The following PCDHA3 variants were observed in gnomAD, a reference collection of about 807,000 sequenced individuals.
PCDHA3 encodes the protein protocadherin alpha-3.
A neutral mutation model predicts 62.2 loss-of-function variants in PCDHA3; 41 were observed. The ratio of observed to expected loss-of-function variants is 0.66; its 90% CI spans 0.51 to 0.86. The LOEUF is 0.86. Among genes scored for constraint, PCDHA3 ranks in the 40% least tolerant of loss-of-function variants. The pLI is 0.00. For missense variants in PCDHA3, 1,304 were observed against 1,241.2 expected (o/e 1.05, Z -0.76); for synonymous variants, 640 against 555.4 (o/e 1.15, Z -2.14).
At position 140,851,080 on chromosome 5, in the gene PCDHA3, T is replaced by C. The variant is rs1329158388; in HGVS notation, c.2394+47489T>C. On this transcript the variant is annotated intron_variant, in intron 1 of 3. Coordinates refer to ENST00000522353, the MANE Select transcript of PCDHA3 (RefSeq NM_018906.3). ...GACTTCTAGTGAGAATTATAAACTGTATATTAAATAGATATTTTTTGGGTG... is the reference window on the plus strand; with the variant it reads ...GACTTCTAGTGAGAATTATAAACTGCATATTAAATAGATATTTTTTGGGTG... 5 of 1,302,950 alleles carry C rather than the reference T, an allele frequency of 3.8e-6. No individual in the cohort carries two copies. In the African/African-American group the frequency reaches 6.1e-5, roughly 16 times the overall value. The allele number at this position is 1,302,950 out of a possible 1,614,324, so 80.7% of individuals were successfully genotyped here.
chr5:140,886,558 T>G (rs535461538), intron 1 of PCDHA3, among the ~76,000 whole-genome samples: 1 of 152,202 alleles, frequency 6.6e-6, no homozygotes, highest in South Asian at 2.1e-4. Flanking sequence ...CTGGGCACGG[T>G]GGCTCACGCC....
At chr5:140,892,702 A>G (rs1391662001) in intron 1 of PCDHA3, among the ~76,000 whole-genome samples, 1 of 152,240 alleles carries the variant, frequency 6.6e-6, no homozygotes, top group Admixed American at 6.5e-5. Flanking sequence ...AAATCAGGGT[A>G]ATTAGCATAT....
intron 1 of PCDHA3, chr5:140,847,744 C>T (rs1554141887): frequency 6.7e-6 from 1 of 149,678 alleles, no homozygotes; most frequent in Non-Finnish European, 1.5e-5. Flanking sequence ...ATTTTCTCCC[C>T]ACGCAACACA....
Position 140,851,473 on chromosome 5 carries a change from G to T in PCDHA3, c.2394+47882G>T. The stretch of plus-strand genomic sequence containing the variant: ...TAGGAATCAAATTATGTCAATAAAT[G>T]TTATAAACACAGCCTTCATTTCAAC... On this transcript the variant is annotated intron_variant, in intron 1 of 3. Coordinates refer to ENST00000522353, the MANE Select transcript of PCDHA3 (RefSeq NM_018906.3). 6.7e-6 allele frequency: 6 copies of T among 889,518 alleles called. 1 individual carries two copies. The highest frequency in any genetic ancestry group is 8.2e-6 in the Non-Finnish European group (6 of 729,154). 55.1% of individuals were successfully genotyped at this position (889,518 alleles called of 1,614,324 possible).
chr5:140,830,597 T>A (rs1331497388), intron 1 of PCDHA3: 2 of 693,358 alleles, frequency 2.9e-6, no homozygotes, highest in Non-Finnish European at 4.3e-6. Flanking sequence ...TTTACAAAAT[T>A]ACATATTTTC....
intron 1 of PCDHA3, chr5:140,869,717 C>A: frequency 6.2e-7 from 1 of 1,613,364 alleles, no homozygotes. Context: ...AGAGAGAAAA[C>A]TCCGGAACTT....
chr5:140,875,248 G>A, intron 1 of PCDHA3: 5 of 999,174 alleles, frequency 5.0e-6, no homozygotes, highest in Non-Finnish European at 6.9e-6. Flanking sequence ...TACATAATCA[G>A]TCACATGATG....
chr5:140,953,045 C>A (rs1414124229), intron 1 of PCDHA3, among the ~76,000 whole-genome samples: 2 of 152,288 alleles, frequency 1.3e-5, no homozygotes, highest in Admixed American at 6.5e-5. Flanking sequence ...CCCCATGATC[C>A]AATCACCTCT....
intron 1 of PCDHA3, among the ~76,000 whole-genome samples, chr5:140,831,489 T>G (rs201504089): frequency 3.9e-4 from 58 of 148,714 alleles, no homozygotes; most frequent in African/African-American, 1.2e-3. Context: ...CCTCTGGAGT[T>G]ACTACACACG....
At chr5:140,968,062 G>A in intron 1 of PCDHA3, 2 of 1,614,120 alleles carry the variant, frequency 1.2e-6, no homozygotes, top group Non-Finnish European at 1.7e-6. Flanking sequence ...GAGAGCGGGT[G>A]GCTGTCTACA....
At chr5:140,837,816 A>G (rs1775270589) in intron 1 of PCDHA3, among the ~76,000 whole-genome samples, 1 of 151,680 alleles carries the variant, frequency 6.6e-6, no homozygotes, top group Non-Finnish European at 1.5e-5. Flanking sequence ...AGCTGGGAAT[A>G]CAGTTTGCAT....
intron 1 of PCDHA3, chr5:140,843,383 G>C: frequency 6.3e-7 from 1 of 1,596,120 alleles, no homozygotes; most frequent in African/African-American, 1.3e-5. Context: ...TGGCGTTTTG[G>C]GTCCGGAAGC....
chr5:140,828,966 A>G (rs1770053880), intron 1 of PCDHA3: 5 of 1,614,098 alleles, frequency 3.1e-6, no homozygotes, highest in African/African-American at 1.3e-5. Context: ...GTTATTGACC[A>G]CTTTAGCATA....
At chr5:140,812,522 T>G (rs2126639627) in intron 1 of PCDHA3, 1 of 152,318 alleles carries the variant, frequency 6.6e-6, no homozygotes, top group South Asian at 2.1e-4. Flanking sequence ...TTGGGCTTCC[T>G]CATTTGTCCT....
chr5:141,009,601 A>T (rs1223112014), intron 3 of PCDHA3, 26 bp from the exon 4 acceptor site: 6 of 1,607,482 alleles, frequency 3.7e-6, no homozygotes, highest in Non-Finnish European at 5.1e-6. Flanking sequence ...GACCCTGTTA[A>T]TGATTTGTAA....
chr5:140,850,185 G>A (rs2150471887), intron 1 of PCDHA3: 2 of 1,593,890 alleles, frequency 1.3e-6, no homozygotes, highest in South Asian at 1.1e-5. Context: ...CAATGCGCCG[G>A]CGCTGCTGAC....
In PCDHA3 at chr5:141,003,833, A is replaced by G. The variant is rs1215772990; in HGVS notation, c.2543-5794A>G. On this transcript the variant is annotated intron_variant, in intron 3 of 3. Transcript: ENST00000522353. ...AGTCTGGGAAGGGCTCTGCCTAACG[A>G]TTCAGACCCCTACCAGATTTATATG... is the stretch of plus-strand genomic sequence containing the variant. 2.6e-5 allele frequency among the ~76,000 whole-genome samples: 4 copies of G among 152,176 alleles called. No individual in the cohort carries two copies. In the East Asian group the frequency reaches 7.7e-4, roughly 29 times the overall value.
chr5:140,861,263 C>T (rs1441824689), intron 1 of PCDHA3: 2 of 174,012 alleles, frequency 1.1e-5, no homozygotes, highest in African/African-American at 4.8e-5. Context: ...ATCCCGGAGC[C>T]TACAGCACTG....
At chr5:140,850,986 T>A in intron 1 of PCDHA3, 1 of 1,450,124 alleles carries the variant, frequency 6.9e-7, no homozygotes, top group Non-Finnish European at 9.1e-7. Flanking sequence ...TTTATTCATT[T>A]TTCTAGAAAT....
Sources: gnomAD v4.1 joint callset for allele counts (sites outside exome capture counted in the v4.1 genomes callset) on GRCh38, gnomAD v4.1.1 for gene constraint, MANE v1.5 for transcripts, NCBI Gene and HGNC (gene_info 2026-07-23, HGNC 2026-07-21) for gene names.